The following PARP6 variants were observed in gnomAD, a reference collection of about 807,000 sequenced individuals.
The protein encoded by PARP6 is poly(ADP-ribose) polymerase family member 6, also known as protein mono-ADP-ribosyltransferase PARP6.
A neutral mutation model predicts 92.0 loss-of-function variants in PARP6; 27 were observed. The observed-to-expected ratio is 0.29, with a 90% CI of 0.22 to 0.40. The LOEUF (loss-of-function observed/expected upper bound fraction) is 0.40. Among genes scored for constraint, PARP6 ranks in the 10% least tolerant of loss-of-function variants. The pLI is 1.00. For synonymous variants in PARP6, 272 were observed against 281.2 expected, an observed-to-expected ratio of 0.97 and a Z score of 0.33; for missense variants, 501 against 784.5, an observed-to-expected ratio of 0.64 and a Z score of 4.32.
intron 8 of PARP6, among the ~76,000 whole-genome samples, chr15:72,262,171 G>C (rs1180642967): frequency 6.6e-6 from 1 of 152,204 alleles, no homozygotes; most frequent in Non-Finnish European, 1.5e-5. Context: ...AATTTGAGCT[G>C]CGCCCTTAGC....
At chr15:72,260,721 C>T (rs2085759631) in intron 9 of PARP6, 33 bp from the exon 10 acceptor site, 1 of 1,534,812 alleles carries the variant, frequency 6.5e-7, no homozygotes. Context: ...AGTGATAAAA[C>T]TGGGGATTTC....
At chr15:72,262,101 G>C (rs1268081860) in intron 8 of PARP6, among the ~76,000 whole-genome samples, 1 of 152,106 alleles carries the variant, frequency 6.6e-6, no homozygotes, top group East Asian at 1.9e-4. Flanking sequence ...AAGGGAGTAG[G>C]GACATAAGGG....
At chr15:72,251,032 G>C in intron 17 of PARP6, 78 bp from the exon 18 acceptor site, 1 of 1,146,120 alleles carries the variant, frequency 8.7e-7, no homozygotes, top group Non-Finnish European at 1.3e-6. Context: ...GGGGATAGGG[G>C]AAAAAATCAG....
intron 13 of PARP6, 84 bp downstream of exon 13, chr15:72,257,264 G>T: frequency 1.0e-6 from 1 of 973,562 alleles, no homozygotes. Flanking sequence ...AGCATTTTTG[G>T]AAGTTAAATT....
chr15:72,247,295 T>A (rs1289804041), intron 20 of PARP6, among the ~76,000 whole-genome samples: 1 of 152,122 alleles, frequency 6.6e-6, no homozygotes, highest in Non-Finnish European at 1.5e-5. Context: ...TGCCTCAGCC[T>A]CCTGACCAGC....
At position 72,254,472 on chromosome 15, in the gene PARP6, T is replaced by G; in HGVS notation, c.1174A>C (p.Ile392Leu). The G allele has an allele frequency of 6.2e-7, 1 of 1,613,112 alleles. No individual in the cohort carries two copies. Among genetic ancestry groups the G allele is most frequent in the Non-Finnish European group, 8.5e-7 (1 of 1,179,048 alleles). Residue 392 changes from isoleucine (I) to leucine (L), a missense_variant, in exon 15 of 24, where the codon ATT (isoleucine) becomes CTT (leucine). Ile to Leu is a conservative substitution (Grantham distance 5). Around this residue, in one of 4 missense-constraint regions of PARP6, gnomAD observed 191 missense variants for 399.1 expected, o/e 0.48. Coordinates refer to ENST00000569795, the MANE Select transcript of PARP6 (RefSeq NM_001323532.2). ...CAGAATACCTGGGTCATCTCCCGAATAGACATCACACTATCCAGAGCTTTC... is the reference window on the plus strand; with the variant it reads ...CAGAATACCTGGGTCATCTCCCGAAGAGACATCACACTATCCAGAGCTTTC... Reference protein sequence around the residue: ...LQKALDSVMSIREMTQGSYLE... With the variant: ...LQKALDSVMSLREMTQGSYLE...
In PARP6 at chr15:72,242,540, C is replaced by A; in HGVS notation, c.1641+80G>T. 1.0e-6 allele frequency: 1 copy of A among 969,100 alleles called. No individual in the cohort carries two copies. Among genetic ancestry groups the A allele is most frequent in the Middle Eastern group, 2.2e-4 (1 of 4,544 alleles). The allele number at this position is 969,100 out of a possible 1,614,324, so 60.0% of individuals were successfully genotyped here. A position where few individuals can be genotyped will look rare whatever the true frequency, so the allele number is the denominator to read the frequency against. On this transcript the variant is annotated intron_variant, in intron 21 of 23. Coordinates refer to ENST00000569795, the MANE Select transcript of PARP6 (RefSeq NM_001323532.2). The surrounding 1 kb of genome is among the most constrained non-coding windows in gnomAD (Gnocchi z 4.3). The stretch of plus-strand genomic sequence containing the variant: ...CAAATCACTCCCCAACCCATTCTCA[C>A]CCCACTGTTTCCCTGTCCAGCTCTG...
chr15:72,248,206 CTT>C (rs2083873223), intron 20 of PARP6, among the ~76,000 whole-genome samples: 1 of 152,070 alleles, frequency 6.6e-6, no homozygotes, highest in South Asian at 2.1e-4. Context: ...CATCTTTGGA[CTT>C]TTTTGGTACT....
At position 72,241,851 on chromosome 15, in the gene PARP6, A is replaced by ACC. The variant is rs1344451208; in HGVS notation, c.1790+48_1790+49dup. 7 of 1,331,876 alleles carry ACC rather than the reference A, an allele frequency of 5.3e-6. No homozygotes were observed. The highest frequency in any genetic ancestry group is 7.6e-6 in the Non-Finnish European group (7 of 923,754). 82.5% of individuals were successfully genotyped at this position (1,331,876 alleles called of 1,614,324 possible). On this transcript the variant is annotated intron_variant, in intron 23 of 23. Coordinates refer to ENST00000569795, the MANE Select transcript of PARP6 (RefSeq NM_001323532.2). This position sits in a 1 kb window ranked among gnomAD's most constrained non-coding sequence, Gnocchi z 4.1. ...TTTCCCAGTAGCCACACACCATCAC[A>ACC]CCCCCAACCTCACTCCTCGAGTAAT... is the stretch of plus-strand genomic sequence containing the variant.
At position 72,267,623 on chromosome 15, in the gene PARP6, C is replaced by T; in HGVS notation, c.-146G>A. 1.2e-6 allele frequency: 1 copy of T among 807,138 alleles called. No individual in the cohort carries two copies. Among genetic ancestry groups the T allele is most frequent in the South Asian group, 1.5e-5 (1 of 66,638 alleles). 50.0% of individuals were successfully genotyped at this position (807,138 alleles called of 1,614,324 possible). On this transcript the variant is annotated 5_prime_UTR_variant, in exon 3 of 24. Transcript: ENST00000569795. ...CACGATGTCAGGGACAACTGGTGAT[C>T]TGTTGGGGATGGCAGGCTCTGCTGT...
At chr15:72,257,060 G>T (rs1410297841) in intron 13 of PARP6, among the ~76,000 whole-genome samples, 1 of 152,002 alleles carries the variant, frequency 6.6e-6, no homozygotes, top group East Asian at 1.9e-4. Context: ...TTCTTACATG[G>T]ACAATTTTAC....
In PARP6 at chr15:72,242,321, A is replaced by C. The variant is rs946042699; in HGVS notation, c.1642-101T>G. The C allele has an allele frequency of 3.2e-5, 30 of 937,182 alleles. No homozygotes were observed. The highest frequency in any genetic ancestry group is 5.2e-4 in the Middle Eastern group (2 of 3,880). The allele number at this position is 937,182 out of a possible 1,614,324, so 58.1% of individuals were successfully genotyped here. ...ATGATTGGGAGTGGGGATCAGAGAT[A>C]TCCTGGGCTCCCAGCAACACCCCTC... On this transcript the variant is annotated intron_variant, in intron 21 of 23. Coordinates refer to ENST00000569795, the MANE Select transcript of PARP6 (RefSeq NM_001323532.2). This position sits in a 1 kb window ranked among gnomAD's most constrained non-coding sequence, Gnocchi z 4.3.
intron 16 of PARP6, among the ~76,000 whole-genome samples, chr15:72,252,098 G>C (rs887725824): frequency 2.0e-5 from 3 of 152,226 alleles, no homozygotes; most frequent in Non-Finnish European, 2.9e-5. Context: ...TAGAAATTGA[G>C]ATCAGGAATG....
chr15:72,249,198 T>C, intron 20 of PARP6, 47 bp downstream of exon 20: 1 of 1,071,224 alleles, frequency 9.3e-7, no homozygotes, highest in Non-Finnish European at 1.4e-6. Context: ...TATTCACAAA[T>C]GGAGGCAATG....
chr15:72,264,140 C>A (rs2086254440), intron 8 of PARP6, among the ~76,000 whole-genome samples: 1 of 152,080 alleles, frequency 6.6e-6, no homozygotes, highest in Non-Finnish European at 1.5e-5. Flanking sequence ...CCAGTGGACT[C>A]TATTTGAAAC....
chr15:72,251,832 G>C (rs1301564045), intron 16 of PARP6, among the ~76,000 whole-genome samples: 2 of 152,212 alleles, frequency 1.3e-5, no homozygotes, highest in Non-Finnish European at 2.9e-5. Context: ...TATACAGGCT[G>C]AACACAGAAG....
In PARP6 at chr15:72,260,577, G is replaced by A. The variant is rs747710626; in HGVS notation, c.657C>T (p.Asn219=). The A allele has an allele frequency of 5.0e-6, 8 of 1,614,148 alleles. No individual in the cohort carries two copies. The highest frequency in any genetic ancestry group is 6.8e-6 in the Non-Finnish European group (8 of 1,180,016). The change falls in exon 10 of 24, where the codon AAC becomes AAT. Residue 219 remains asparagine, a synonymous_variant. Transcript: ENST00000569795. ...GGTAGCCAAACACTTCCACTTTGGG[G>A]TTCTTCATGGTACAGGAGATGGAAC... ...MNRSISCTMK[N]PKVEVFGYPP... is the part of the protein sequence containing the mutation.
chr15:72,247,834 G>A (rs1034713332), intron 20 of PARP6, among the ~76,000 whole-genome samples: 5 of 151,828 alleles, frequency 3.3e-5, no homozygotes, highest in African/African-American at 1.2e-4. Flanking sequence ...CTAGGCTGGA[G>A]TGCACTGGTT....
intron 16 of PARP6, 74 bp downstream of exon 16, chr15:72,253,363 G>T: frequency 8.5e-7 from 1 of 1,173,972 alleles, no homozygotes; most frequent in Non-Finnish European, 1.3e-6. Context: ...ACCACTAAAA[G>T]AAGGTACAGG....
Sources: gnomAD v4.1 joint callset for allele counts (sites outside exome capture counted in the v4.1 genomes callset) on GRCh38, gnomAD v4.1.1 for gene constraint, gnomAD v4.1.1 regional missense constraint, Gnocchi (gnomAD v3.1) non-coding constraint, MANE v1.5 for transcripts, NCBI Gene and HGNC (gene_info 2026-07-23, HGNC 2026-07-21) for gene names.